The following NKD2 variants were observed in gnomAD, a reference collection of about 807,000 sequenced individuals.
NKD2 encodes protein naked cuticle homolog 2.
In NKD2, 43 loss-of-function variants were observed where a neutral mutation model predicts 34.8. That is an observed-to-expected ratio of 1.24 (90% CI 0.97 to 1.60). NKD2 has a LOEUF of 1.60. Among genes scored for constraint, NKD2 ranks in the 40% most tolerant of loss-of-function variants. The probability of loss-of-function intolerance (pLI) is 0.00; values close to 1 mark genes in which losing one functional copy is unlikely to be tolerated. For synonymous variants in NKD2, 278 were observed against 265.1 expected, an observed-to-expected ratio of 1.05 and a Z score of -0.47; for missense variants, 675 against 627.1, an observed-to-expected ratio of 1.08 and a Z score of -0.82.
Position 1,009,226 on chromosome 5 carries a change from A to C in NKD2, c.61+12A>C. Reference sequence around the variant, plus strand: ...AGAGAGCCCGGAAGGTGAGCGGGCGAGCCGACGGGCGGGGCGGGGGGCGGC... The same window carrying C: ...AGAGAGCCCGGAAGGTGAGCGGGCGCGCCGACGGGCGGGGCGGGGGGCGGC... On this transcript the variant is annotated intron_variant, in intron 2 of 9. Transcript: ENST00000296849. This position sits in a 1 kb window ranked among gnomAD's most constrained non-coding sequence, Gnocchi z 6.9. 2.1e-6 allele frequency: 1 copy of C among 486,548 alleles called. No homozygotes were observed. The highest frequency in any genetic ancestry group is 3.6e-6 in the Non-Finnish European group (1 of 280,110). The allele number at this position is 486,548 out of a possible 1,614,324, so 30.1% of individuals were successfully genotyped here. A position where few individuals can be genotyped will look rare whatever the true frequency, so the allele number is the denominator to read the frequency against.
intron 5 of NKD2, 23 bp downstream of exon 5, chr5:1,033,522 T>G (rs1756731107): frequency 3.3e-6 from 5 of 1,534,948 alleles, no homozygotes; most frequent in Non-Finnish European, 3.5e-6. Flanking sequence ...CCGGCCTCAC[T>G]TGCGGGAACA....
At chr5:1,011,033 C>T (rs1247911144) in intron 3 of NKD2, among the ~76,000 whole-genome samples, 1 of 152,134 alleles carries the variant, frequency 6.6e-6, no homozygotes. Flanking sequence ...GAGGGCTGCT[C>T]GTGGGCGTTT....
intron 3 of NKD2, among the ~76,000 whole-genome samples, chr5:1,028,647 G>A (rs1000184663): frequency 1.3e-5 from 2 of 152,162 alleles, no homozygotes; most frequent in African/African-American, 4.8e-5. Flanking sequence ...GGGTTCTCAG[G>A]GATGCAGAGC....
At chr5:1,014,365 G>A (rs1755865608) in intron 3 of NKD2, among the ~76,000 whole-genome samples, 1 of 152,198 alleles carries the variant, frequency 6.6e-6, no homozygotes, top group Non-Finnish European at 1.5e-5. Flanking sequence ...TCCATCAGAC[G>A]CACACGCGAC....
At chr5:1,029,228 G>A (rs779669686) in intron 3 of NKD2, among the ~76,000 whole-genome samples, 1 of 152,194 alleles carries the variant, frequency 6.6e-6, no homozygotes, top group Non-Finnish European at 1.5e-5. Context: ...AACACTGTGC[G>A]TTCGAGCGCT....
Position 1,029,067 on chromosome 5 carries a change from G to A in NKD2, c.142-3085G>A, listed in dbSNP as rs751243693. ...TGGCCTTCTAGTTAACCGAGGCAGC[G>A]TAGATTAAAGGGCAGTTTTATGCAA... On this transcript the variant is annotated intron_variant, in intron 3 of 9. Coordinates refer to ENST00000296849, the MANE Select transcript of NKD2 (RefSeq NM_033120.4). Among the ~76,000 whole-genome samples, 14 of 152,222 alleles carry A rather than the reference G, an allele frequency of 9.2e-5. 1 individual carries two copies. Among genetic ancestry groups the A allele is most frequent in the Admixed American group, 6.5e-4 (10 of 15,290 alleles).
intron 6 of NKD2, 30 bp from the exon 7 acceptor site, chr5:1,034,726 T>C: frequency 6.2e-7 from 1 of 1,600,710 alleles, no homozygotes; most frequent in Non-Finnish European, 8.5e-7. Context: ...TGGGGTCTGC[T>C]CTGTCAGTGA....
rs188533326 is a variant in NKD2 at position 1,017,929 on chromosome 5, G to C, written c.141+8369G>C. Among the ~76,000 whole-genome samples the C allele has an allele frequency of 3.1e-3, 471 of 152,216 alleles. 2 individuals are homozygous for C. The highest frequency in any genetic ancestry group is 0.011 in the African/African-American group (443 of 41,520). On this transcript the variant is annotated intron_variant, in intron 3 of 9. Coordinates refer to ENST00000296849, the MANE Select transcript of NKD2 (RefSeq NM_033120.4). Reference sequence around the variant, plus strand: ...GCTGGGGTGCAGGGCCTGTGGTGCTGGGGTGTGGGACAGGCCAGGCAGGGG... The same window carrying C: ...GCTGGGGTGCAGGGCCTGTGGTGCTCGGGTGTGGGACAGGCCAGGCAGGGG...
Position 1,033,393 on chromosome 5 carries a change from C to T in NKD2, c.224C>T (p.Ala75Val). The change falls in exon 5 of 10, where the codon GCT becomes GTT. Residue 75 changes from alanine (A) to valine (V), a missense_variant. By Grantham distance (64) the Ala-to-Val change is moderately conservative. Transcript: ENST00000296849. ...PLQVALPAEKAEGREHPGQLL... is the reference protein window; with the variant it reads ...PLQVALPAEKVEGREHPGQLL... ...CTAGTGGCACTCCCCGCTGAGAAAG[C>T]TGAGGGCCGCGAGCACCCGGGACAA... 6.3e-7 allele frequency: 1 copy of T among 1,599,644 alleles called. No individual in the cohort carries two copies. Among genetic ancestry groups the T allele is most frequent in the South Asian group, 1.1e-5 (1 of 88,492 alleles).
At chr5:1,037,706 C>G in intron 9 of NKD2, 99 bp from the exon 10 acceptor site, 5 of 1,543,988 alleles carry the variant, frequency 3.2e-6, no homozygotes, top group Non-Finnish European at 4.3e-6. Context: ...CAGGTGGGAC[C>G]CCTGGCGCAG....
chr5:1,012,685 C>T lies in NKD2; in HGVS notation c.141+3125C>T, dbSNP rs80193501. On this transcript the variant is annotated intron_variant, in intron 3 of 9. Coordinates refer to ENST00000296849, the MANE Select transcript of NKD2 (RefSeq NM_033120.4). ...GGCTCAGCCCCACTACATGGCTTGACGCCTTCCGACTGGAACCAGCCACAG... is the reference window on the plus strand; with the variant it reads ...GGCTCAGCCCCACTACATGGCTTGATGCCTTCCGACTGGAACCAGCCACAG... Among the ~76,000 whole-genome samples the T allele has an allele frequency of 5.3e-4, 80 of 152,370 alleles. No homozygotes were observed. The Middle Eastern group carries it at 0.01, about 19-fold the overall frequency.
chr5:1,038,301 C>T lies in NKD2; in HGVS notation c.1284C>T (p.Ile428=), dbSNP rs1579281516. Residue 428 remains isoleucine (I), a synonymous_variant, in exon 10 of 10, where the codon ATC becomes ATT. Transcript: ENST00000296849. The surrounding 1 kb of genome is among the most constrained non-coding windows in gnomAD (Gnocchi z 4.5). ...PAGEGYAVPV[I]QRHEHHHHHE... The stretch of plus-strand genomic sequence containing the variant: ...GAGAGGGCTACGCGGTGCCAGTGAT[C>T]CAGCGGCACGAGCACCACCACCACC... The T allele has an allele frequency of 1.3e-6, 2 of 1,548,686 alleles. No individual in the cohort carries two copies. Among genetic ancestry groups the T allele is most frequent in the East Asian group, 2.4e-5 (1 of 41,842 alleles).
chr5:1,030,767 A>G (rs964134310), intron 3 of NKD2, among the ~76,000 whole-genome samples: 15 of 152,086 alleles, frequency 9.9e-5, no homozygotes, highest in African/African-American at 3.4e-4. Context: ...TTTAATAATC[A>G]GCTGTTTTGT....
intron 3 of NKD2, among the ~76,000 whole-genome samples, chr5:1,013,219 A>G (rs991143504): frequency 1.3e-5 from 2 of 152,158 alleles, no homozygotes; most frequent in African/African-American, 4.8e-5. Context: ...CTGAGGGCCA[A>G]CCTTCTGTCT....
chr5:1,026,412 C>T (rs1321351551), intron 3 of NKD2, among the ~76,000 whole-genome samples: 21 of 85,716 alleles, frequency 2.4e-4, no homozygotes, highest in African/African-American at 8.9e-4. Context: ...TGTGGGCGTC[C>T]CAGCCCTTTT....
At chr5:1,036,564 C>T (rs1168858823) in intron 9 of NKD2, among the ~76,000 whole-genome samples, 180 bp downstream of exon 9, 1 of 144,808 alleles carries the variant, frequency 6.9e-6, no homozygotes, top group Non-Finnish European at 1.5e-5. Flanking sequence ...ACCTGTTGGT[C>T]ATGGCTGCCT....
chr5:1,022,065 C>T (rs1161334109), intron 3 of NKD2, among the ~76,000 whole-genome samples: 7 of 116,940 alleles, frequency 6.0e-5, no homozygotes, highest in African/African-American at 1.9e-4. Flanking sequence ...CCAGTCGAAA[C>T]GGGGTCCTTG....
At position 1,009,402 on chromosome 5, in the gene NKD2, C is replaced by A; in HGVS notation, c.62-79C>A. ...CCAGGCGATGGGGACACAGCGAAGGCGCAGCGCCCGCGGGGCTCACGGCGC... is the reference window on the plus strand; with the variant it reads ...CCAGGCGATGGGGACACAGCGAAGGAGCAGCGCCCGCGGGGCTCACGGCGC... On this transcript the variant is annotated intron_variant, in intron 2 of 9. Coordinates refer to ENST00000296849, the MANE Select transcript of NKD2 (RefSeq NM_033120.4). This position sits in a 1 kb window ranked among gnomAD's most constrained non-coding sequence, Gnocchi z 6.9. 1 of 1,256,698 alleles carries A rather than the reference C, an allele frequency of 8.0e-7. No individual in the cohort carries two copies. Among genetic ancestry groups the A allele is most frequent in the South Asian group, 1.4e-5 (1 of 71,962 alleles). 77.8% of individuals were successfully genotyped at this position (1,256,698 alleles called of 1,614,324 possible). A position where few individuals can be genotyped will look rare whatever the true frequency, so the allele number is the denominator to read the frequency against.
At chr5:1,037,533 CGAGAA>C (rs1284740084) in intron 9 of NKD2, 1 of 1,535,694 alleles carries the variant, frequency 6.5e-7, no homozygotes, top group East Asian at 2.4e-5. Context: ...CTCAGCTGTG[CGAGAA>C]GAGAAGCTCC....
Sources: gnomAD v4.1 joint callset for allele counts (sites outside exome capture counted in the v4.1 genomes callset) on GRCh38, gnomAD v4.1.1 for gene constraint, Gnocchi (gnomAD v3.1) non-coding constraint, MANE v1.5 for transcripts, NCBI Gene and HGNC (gene_info 2026-07-23, HGNC 2026-07-21) for gene names.